Variants in PAX7 observed in about 807,000 individuals in gnomAD.
PAX7 encodes the protein paired box 7.
PAX7 carries 18 observed loss-of-function variants against 50.7 expected under a neutral mutation model. The ratio of observed to expected loss-of-function variants is 0.36; its 90% CI spans 0.25 to 0.53. The LOEUF (loss-of-function observed/expected upper bound fraction) is 0.53, where lower values mean the gene tolerates loss of function less well. Ranked by LOEUF, PAX7 falls within the 20% of genes least tolerant of loss-of-function variation. The probability of loss-of-function intolerance (pLI) is 0.93; values close to 1 mark genes in which losing one functional copy is unlikely to be tolerated. For synonymous variants in PAX7, 310 were observed against 290.4 expected (o/e 1.07, Z -0.69); for missense variants, 644 against 702.9 (o/e 0.92, Z 0.95).
At chr1:18,704,361 C>T (rs2089258385) in intron 7 of PAX7, among the ~76,000 whole-genome samples, 1 of 152,196 alleles carries the variant, frequency 6.6e-6, no homozygotes, top group East Asian at 1.9e-4. Context: ...TGGCTCACAC[C>T]TGTAATCCCA....
intron 4 of PAX7, among the ~76,000 whole-genome samples, chr1:18,659,096 CAT>C (rs760282249): frequency 8.0e-4 from 102 of 126,828 alleles, no homozygotes; most frequent in Admixed American, 1.4e-3. Context: ...ATGTGTGTGA[CAT>C]GTGTGTGTAT....
intron 8 of PAX7, among the ~76,000 whole-genome samples, chr1:18,743,735 T>A (rs851115): frequency 0.66 from 101,022 of 152,068 alleles, 34,394 homozygotes; most frequent in African/African-American, 0.81. Flanking sequence ...GACAGAACAC[T>A]TGTACATGCA....
At position 18,735,774 on chromosome 1, in the gene PAX7, G is replaced by C. The variant is rs752928933; in HGVS notation, c.1298G>C (p.Gly433Ala). The C allele has an allele frequency of 1.2e-6, 2 of 1,614,148 alleles. No individual in the cohort carries two copies. Among genetic ancestry groups the C allele is most frequent in the East Asian group, 4.5e-5 (2 of 44,868 alleles). ...CSQRADSIKP[G>A]DSLPTSQAYC... is the part of the protein sequence containing the mutation. ...CAGCGGGCCGACTCCATCAAGCCAG[G>C]AGACAGCCTGCCCACCTCCCAGGCC... Residue 433 changes from glycine (G) to alanine (A), a missense_variant, in exon 8 of 9, where the codon GGA (glycine) becomes GCA (alanine). Transcript: ENST00000420770. This position sits in a 1 kb window ranked among gnomAD's most constrained non-coding sequence, Gnocchi z 4.0.
intron 7 of PAX7, among the ~76,000 whole-genome samples, chr1:18,717,060 GC>G (rs2089435121): frequency 6.6e-6 from 1 of 151,288 alleles, no homozygotes; most frequent in African/African-American, 2.4e-5. Context: ...CGTCGCCGCC[GC>G]GCCTTTGATC....
chr1:18,727,249 A>G (rs1198782796), intron 7 of PAX7, among the ~76,000 whole-genome samples: 2 of 147,698 alleles, frequency 1.4e-5, no homozygotes, highest in African/African-American at 5.0e-5. Context: ...AGAAGCATGC[A>G]TACAACACAC....
rs368893845 is a variant in PAX7, at chr1:18,631,696, C to T, written c.85+8C>T. On this transcript the variant is annotated splice_region_variant and intron_variant, in intron 1 of 8. Coordinates refer to ENST00000420770, the MANE Select transcript of PAX7 (RefSeq NM_001135254.2). ...CGGGATTCCCTTTGGAAGGTAAGAA[C>T]GCCCAGGCTGGCCTCGCCGCGACTC... 26 of 1,608,782 alleles carry T rather than the reference C, an allele frequency of 1.6e-5. No homozygotes were observed. Among genetic ancestry groups the T allele is most frequent in the Non-Finnish European group, 2.0e-5 (23 of 1,177,750 alleles).
chr1:18,716,887 C>T (rs952592653), intron 7 of PAX7, among the ~76,000 whole-genome samples: 9 of 151,972 alleles, frequency 5.9e-5, no homozygotes, highest in Admixed American at 5.2e-4. Context: ...GTCCCCTTTC[C>T]GAATTCCTCC....
chr1:18,717,506 T>C (rs1458860982), intron 7 of PAX7, among the ~76,000 whole-genome samples: 2 of 152,194 alleles, frequency 1.3e-5, no homozygotes, highest in Non-Finnish European at 2.9e-5. Context: ...CTCATCTCTC[T>C]GGTCTCAGCT....
rs111371431 is a variant in PAX7 at position 18,692,418 on chromosome 1, C to T, written c.786+465C>T. Among the ~76,000 whole-genome samples, 1,427 of 152,106 alleles carry T rather than the reference C, an allele frequency of 9.4e-3. 15 individuals carry two copies. The highest frequency in any genetic ancestry group is 0.016 in the African/African-American group (660 of 41,508). On this transcript the variant is annotated intron_variant, in intron 5 of 8. Transcript: ENST00000420770. ...TTAGCTGGGCTTGGTGACGGGCACCCGTAATCCCAGCTACTCGGGAGGCTG... is the reference window on the plus strand; with the variant it reads ...TTAGCTGGGCTTGGTGACGGGCACCTGTAATCCCAGCTACTCGGGAGGCTG...
At chr1:18,736,018 C>A in intron 8 of PAX7, 140 bp downstream of exon 8, 1 of 1,568,272 alleles carries the variant, frequency 6.4e-7, no homozygotes, top group African/African-American at 1.3e-5. Context: ...TGAAGTCCAG[C>A]CAGATGGAAC....
At chr1:18,710,175 G>A (rs2089332797) in intron 7 of PAX7, among the ~76,000 whole-genome samples, 1 of 152,190 alleles carries the variant, frequency 6.6e-6, no homozygotes, top group South Asian at 2.1e-4. Flanking sequence ...TACTCTTGGG[G>A]AAATAGGCTC....
chr1:18,631,983 G>A (rs9661940), intron 1 of PAX7, among the ~76,000 whole-genome samples: 7,631 of 152,230 alleles, frequency 0.05, 631 homozygotes, highest in African/African-American at 0.17. Context: ...ATCAGGTCCT[G>A]GTGAATTTCA....
In PAX7 at chr1:18,745,067, C is replaced by T. The variant is rs1317790939; in HGVS notation, c.*138C>T. The T allele has an allele frequency of 8.1e-6, 5 of 616,558 alleles. No homozygotes were observed. The highest frequency in any genetic ancestry group is 7.8e-5 in the South Asian group (4 of 51,010). The allele number at this position is 616,558 out of a possible 1,614,324, so 38.2% of individuals were successfully genotyped here. On this transcript the variant is annotated 3_prime_UTR_variant, in exon 9 of 9. Transcript: ENST00000420770. The stretch of plus-strand genomic sequence containing the variant: ...GCCCACCTGCTTCTCATCACCAGCC[C>T]CCTGGAGGTAGACAGCCAGCTTGTC...
rs1201422438 is a variant in PAX7 at position 18,721,583 on chromosome 1, G to A, written c.1156-14049G>A. Reference sequence around the variant, plus strand: ...GGCAATAGTCCTGCTGCTGTGCTCAGGAGGCTGTGCCAGCAGAAAGCCCGG... The same window carrying A: ...GGCAATAGTCCTGCTGCTGTGCTCAAGAGGCTGTGCCAGCAGAAAGCCCGG... On this transcript the variant is annotated intron_variant, in intron 7 of 8. Transcript: ENST00000420770. Among the ~76,000 whole-genome samples the A allele has an allele frequency of 3.9e-5, 6 of 152,252 alleles. No homozygotes were observed. In the East Asian group the frequency reaches 1.2e-3, roughly 29 times the overall value.
intron 7 of PAX7, among the ~76,000 whole-genome samples, chr1:18,731,590 A>G (rs2089647832): frequency 6.6e-6 from 1 of 151,938 alleles, no homozygotes; most frequent in Admixed American, 6.6e-5. Context: ...TTCATCAGTG[A>G]GTGTTCTCCC....
intron 5 of PAX7, among the ~76,000 whole-genome samples, chr1:18,699,761 C>T (rs1370397266): frequency 1.3e-5 from 2 of 152,086 alleles, no homozygotes; most frequent in Non-Finnish European, 2.9e-5. Context: ...CAGGGTTTCA[C>T]CTTATTAGCC....
At chr1:18,721,072 C>T (rs1458949126) in intron 7 of PAX7, among the ~76,000 whole-genome samples, 1 of 152,112 alleles carries the variant, frequency 6.6e-6, no homozygotes, top group Admixed American at 6.5e-5. Context: ...AGCCTAGTGA[C>T]CTGCCAGAGC....
rs964858372 is a variant in PAX7 at position 18,745,155 on chromosome 1, G to C, written c.*226G>C. ...GAGTCTGCTCCCCACTTTCCCCAAG[G>C]AGGGTTTCTGGTCAGCCTGAGGTCC... On this transcript the variant is annotated 3_prime_UTR_variant, in exon 9 of 9. Transcript: ENST00000420770. 408 of 563,746 alleles carry C rather than the reference G, an allele frequency of 7.2e-4. 3 individuals carry two copies. Among genetic ancestry groups the C allele is most frequent in the Admixed American group, 2.5e-4 (8 of 31,920 alleles). The allele number at this position is 563,746 out of a possible 1,614,324, so 34.9% of individuals were successfully genotyped here. A position where few individuals can be genotyped will look rare whatever the true frequency, so the allele number is the denominator to read the frequency against.
intron 7 of PAX7, among the ~76,000 whole-genome samples, chr1:18,723,071 G>T (rs980365602): frequency 1.3e-5 from 2 of 152,120 alleles, no homozygotes; most frequent in African/African-American, 4.8e-5. Context: ...AAATTAATGG[G>T]CCCCCAAATG....
Sources: gnomAD v4.1 joint callset for allele counts (sites outside exome capture counted in the v4.1 genomes callset) on GRCh38, gnomAD v4.1.1 for gene constraint, Gnocchi (gnomAD v3.1) non-coding constraint, MANE v1.5 for transcripts, NCBI Gene and HGNC (gene_info 2026-07-23, HGNC 2026-07-21) for gene names.